SLC16A3: variants seen among roughly 807,000 people sequenced by gnomAD.
The protein encoded by SLC16A3 is solute carrier family 16 member 3, also known as monocarboxylate transporter 4.
Under a neutral mutation model 25.0 loss-of-function variants are expected in SLC16A3, and 22 were observed. The ratio of observed to expected loss-of-function variants is 0.88; its 90% confidence interval spans 0.63 to 1.26. The LOEUF is 1.26. Ranked by LOEUF, SLC16A3 falls within the 50% of genes most tolerant of loss-of-function variation. The pLI is 0.00. For synonymous variants in SLC16A3, 390 were observed against 309.2 expected, an observed-to-expected ratio of 1.26 and a Z score of -2.74; for missense variants, 731 against 666.6, an observed-to-expected ratio of 1.10 and a Z score of -1.06.
At chr17:82,231,778 G>C (rs2050499840) in intron 1 of SLC16A3, 1 of 152,300 alleles carries the variant, frequency 6.6e-6, no homozygotes, top group Admixed American at 6.5e-5. Flanking sequence ...CCGCAAATGA[G>C]GCCTGTGTGT....
In SLC16A3 at chr17:82,236,026, G is replaced by A; in HGVS notation, c.18G>A (p.Val6=). 1 of 1,611,976 alleles carries A rather than the reference G, an allele frequency of 6.2e-7. No homozygotes were observed. Among genetic ancestry groups the A allele is most frequent in the Non-Finnish European group, 8.5e-7 (1 of 1,179,664 alleles). MGGAV[V]DEGPTGVKAP... ...TCCTGGCCATGGGAGGGGCCGTGGT[G>A]GACGAGGGCCCCACAGGCGTCAAGG... The change falls in exon 2 of 5, where the codon GTG becomes GTA. Residue 6 remains valine (V), a synonymous_variant. Coordinates refer to ENST00000582743, the MANE Select transcript of SLC16A3 (RefSeq NM_004207.4).
At chr17:82,219,312 A>G (rs2050374548) in intron 1 of SLC16A3, among the ~76,000 whole-genome samples, 1 of 151,982 alleles carries the variant, frequency 6.6e-6, no homozygotes, top group African/African-American at 2.4e-5. Context: ...GCAGCAGCAC[A>G]CTTTGCTGGT....
At position 82,237,448 on chromosome 17, in the gene SLC16A3, C is replaced by A; in HGVS notation, c.678C>A (p.Arg226=). The part of the protein sequence containing the change: ...RLLDLSVFRD[R]GFVLYAVAAS... The stretch of plus-strand genomic sequence containing the variant: ...TAGACCTGAGCGTCTTCCGGGACCG[C>A]GGCTTTGTGCTTTACGCCGTGGCCG... Residue 226 remains arginine, a synonymous_variant, in exon 4 of 5, where the codon CGC becomes CGA. Coordinates refer to ENST00000582743, the MANE Select transcript of SLC16A3 (RefSeq NM_004207.4). 1 of 1,599,796 alleles carries A rather than the reference C, an allele frequency of 6.3e-7. No individual in the cohort carries two copies. The highest frequency in any genetic ancestry group is 8.5e-7 in the Non-Finnish European group (1 of 1,175,114).
At position 82,237,417 on chromosome 17, in the gene SLC16A3, G is replaced by T. The variant is rs370074725; in HGVS notation, c.647G>T (p.Arg216Leu). 7.5e-4 allele frequency: 1,175 copies of T among 1,571,936 alleles called. 1 individual carries two copies. The highest frequency in any genetic ancestry group is 1.2e-3 in the Middle Eastern group (7 of 5,976). ...PGSGPPRPSR[R>L]LLDLSVFRDR... ...TCGGGGCCGCCGCGACCCTCCCGGC[G>T]CCTGCTAGACCTGAGCGTCTTCCGG... The change falls in exon 4 of 5, where the codon CGC becomes CTC. Residue 216 changes from arginine (R) to leucine (L), a missense_variant. Physicochemically the swap from Arg to Leu is moderately radical, Grantham distance 102. Transcript: ENST00000582743.
At chr17:82,236,505 AG>A in intron 2 of SLC16A3, 1 of 640,030 alleles carries the variant, frequency 1.6e-6, no homozygotes. Context: ...GTTCCTGAAA[AG>A]GTGGCTGTTC....
intron 4 of SLC16A3, among the ~76,000 whole-genome samples, chr17:82,238,101 C>T (rs1336286167): frequency 6.6e-6 from 1 of 152,218 alleles, no homozygotes; most frequent in Non-Finnish European, 1.5e-5. Flanking sequence ...CACAGTGTGT[C>T]CAGACAGGCA....
chr17:82,226,132 G>A (rs952396171), upstream of SLC16A3, among the ~76,000 whole-genome samples: 1 of 152,088 alleles, frequency 6.6e-6, no homozygotes, highest in Non-Finnish European at 1.5e-5. Context: ...TCCAGGGCCT[G>A]GAGGGCCCTG....
At position 82,239,597 on chromosome 17, in the gene SLC16A3, G is replaced by A. The variant is rs745552148; in HGVS notation, c.*621G>A. 2.5e-4 allele frequency: 55 copies of A among 215,838 alleles called. No individual in the cohort carries two copies. The highest frequency in any genetic ancestry group is 5.5e-4 in the South Asian group (3 of 5,488). The allele number at this position is 215,838 out of a possible 1,614,324, so 13.4% of individuals were successfully genotyped here. A position where few individuals can be genotyped will look rare whatever the true frequency, so the allele number is the denominator to read the frequency against. ...TGTCCTCGCCAGCTTTCCCTGCAGC[G>A]GCATAGCATTCGTAGCAGGGGCAGG... On this transcript the variant is annotated 3_prime_UTR_variant, in exon 5 of 5. Coordinates refer to ENST00000582743, the MANE Select transcript of SLC16A3 (RefSeq NM_004207.4).
Position 82,239,844 on chromosome 17 carries a change from G to A in SLC16A3, c.*868G>A, listed in dbSNP as rs2050715490. The A allele has an allele frequency of 4.3e-6, 2 of 465,342 alleles. No homozygotes were observed. The highest frequency in any genetic ancestry group is 6.9e-6 in the Non-Finnish European group (2 of 288,286). The allele number at this position is 465,342 out of a possible 1,614,324, so 28.8% of individuals were successfully genotyped here. Reference sequence around the variant, plus strand: ...CGTGGTGTGGTCAGTGCCCAGGGCTGGTCTTTGCACCCTGTCCTCCATCCA... The same window carrying A: ...CGTGGTGTGGTCAGTGCCCAGGGCTAGTCTTTGCACCCTGTCCTCCATCCA... On this transcript the variant is annotated 3_prime_UTR_variant, in exon 5 of 5. Transcript: ENST00000582743.
chr17:82,238,885 C>A lies in SLC16A3; in HGVS notation c.1307C>A (p.Ser436Ter). The A allele has an allele frequency of 6.2e-7, 1 of 1,606,456 alleles. No homozygotes were observed. Among genetic ancestry groups the A allele is most frequent in the Non-Finnish European group, 8.5e-7 (1 of 1,175,304 alleles). Residue 436 changes from serine (S) to a stop codon, truncating the protein, a stop_gained, in exon 5 of 5, where the codon TCG (serine) becomes TAG (stop). Coordinates refer to ENST00000582743, the MANE Select transcript of SLC16A3 (RefSeq NM_004207.4). LOFTEE classifies it high-confidence loss of function. The part of the protein sequence containing the change: ...EEKLHKPPAD[S>*]GVDLREVEHF... The stretch of plus-strand genomic sequence containing the variant: ...AAGCTCCACAAGCCTCCTGCAGACT[C>A]GGGGGTGGACTTGCGGGAGGTGGAG...
intron 4 of SLC16A3, 146 bp from the exon 5 acceptor site, chr17:82,238,556 G>A (rs1302937732): frequency 2.7e-6 from 2 of 731,814 alleles, no homozygotes; most frequent in Non-Finnish European, 4.2e-6. Flanking sequence ...CACATGGAGG[G>A]GAGAGAACAC....
chr17:82,239,896 T>C lies in SLC16A3; in HGVS notation c.*920T>C. The C allele has an allele frequency of 1.1e-6, 1 of 872,434 alleles. No individual in the cohort carries two copies. Among genetic ancestry groups the C allele is most frequent in the Non-Finnish European group, 1.5e-6 (1 of 659,070 alleles). 54.0% of individuals were successfully genotyped at this position (872,434 alleles called of 1,614,324 possible). A position where few individuals can be genotyped will look rare whatever the true frequency, so the allele number is the denominator to read the frequency against. Reference sequence around the variant, plus strand: ...CCCGGCCCAGCGCTTGGGCTTGTCCTGGACACCTAACACCCACCTGCCCTC... The same window carrying C: ...CCCGGCCCAGCGCTTGGGCTTGTCCCGGACACCTAACACCCACCTGCCCTC... On this transcript the variant is annotated 3_prime_UTR_variant, in exon 5 of 5. Coordinates refer to ENST00000582743, the MANE Select transcript of SLC16A3 (RefSeq NM_004207.4).
chr17:82,232,721 C>T (rs2050517719), intron 1 of SLC16A3, among the ~76,000 whole-genome samples: 1 of 152,074 alleles, frequency 6.6e-6, no homozygotes, highest in Non-Finnish European at 1.5e-5. Flanking sequence ...GGGCGCATGG[C>T]TGTGGGACGC....
intron 4 of SLC16A3, 64 bp downstream of exon 4, chr17:82,237,957 A>AG (rs893401766): frequency 9.7e-5 from 149 of 1,542,712 alleles, no homozygotes; most frequent in Admixed American, 1.4e-4. Context: ...CCGCTTTGCG[A>AG]GGGGGGGGAC....
Position 82,229,054 on chromosome 17 carries a change from C to T in SLC16A3, c.-79C>T, listed in dbSNP as rs1423906229. 1 of 148,150 alleles carries T rather than the reference C, an allele frequency of 6.7e-6. No individual in the cohort carries two copies. The highest frequency in any genetic ancestry group is 1.5e-5 in the Non-Finnish European group (1 of 66,158). 9.2% of individuals were successfully genotyped at this position (148,150 alleles called of 1,614,324 possible). On this transcript the variant is annotated 5_prime_UTR_variant, in exon 1 of 5. Transcript: ENST00000582743. ...CGCGGAGCGGACCGGCAGAGGCGGG[C>T]AGAGGCGGCGAGAGGCGGCGAGAGG...
chr17:82,237,598 C>A lies in SLC16A3; in HGVS notation c.828C>A (p.Phe276Leu), dbSNP rs758447400. ...LLTILGFIDI[F>L]ARPAAGFVAG... ...CCATCCTGGGCTTCATTGACATCTT[C>A]GCGCGGCCGGCCGCGGGCTTCGTGG... The change falls in exon 4 of 5, where the codon TTC (phenylalanine) becomes TTA (leucine). Residue 276 changes from phenylalanine (F) to leucine (L), a missense_variant. Transcript: ENST00000582743. 1 of 1,612,380 alleles carries A rather than the reference C, an allele frequency of 6.2e-7. No individual in the cohort carries two copies. The highest frequency in any genetic ancestry group is 2.2e-5 in the East Asian group (1 of 44,854).
At chr17:82,223,112 G>C (rs1424209903) in intron 1 of SLC16A3, among the ~76,000 whole-genome samples, 1 of 152,180 alleles carries the variant, frequency 6.6e-6, no homozygotes, top group African/African-American at 2.4e-5. Flanking sequence ...ACGTGAGCAC[G>C]TCCAGTGCTG....
intron 4 of SLC16A3, 92 bp from the exon 5 acceptor site, chr17:82,238,610 G>A (rs905697155): frequency 9.8e-6 from 13 of 1,323,938 alleles, no homozygotes; most frequent in South Asian, 1.5e-5. Context: ...TGACCCTTGC[G>A]TGCTGAGACA....
rs2147138561 is a variant in SLC16A3 at position 82,238,775 on chromosome 17, C to G, written c.1197C>G (p.Ser399=). ...ILAGAEVLTS[S]LILLLGNFFC... is the part of the protein sequence containing the mutation. The stretch of plus-strand genomic sequence containing the variant: ...CGGGGGCCGAGGTGCTCACCTCCTC[C>G]CTGATTTTGCTGCTGGGCAACTTCT... The change falls in exon 5 of 5, where the codon TCC becomes TCG. Residue 399 remains serine (S), a synonymous_variant. Coordinates refer to ENST00000582743, the MANE Select transcript of SLC16A3 (RefSeq NM_004207.4). 6.2e-7 allele frequency: 1 copy of G among 1,612,792 alleles called. No individual in the cohort carries two copies. Among genetic ancestry groups the G allele is most frequent in the Non-Finnish European group, 8.5e-7 (1 of 1,179,958 alleles).
Sources: gnomAD v4.1 joint callset for allele counts (sites outside exome capture counted in the v4.1 genomes callset) on GRCh38, gnomAD v4.1.1 for gene constraint, MANE v1.5 for transcripts, NCBI Gene and HGNC (gene_info 2026-07-23, HGNC 2026-07-21) for gene names.